EML1: variants seen among roughly 807,000 people sequenced by gnomAD.
The protein encoded by EML1 is EMAP like 1.
In EML1, 27 loss-of-function variants were observed where a neutral mutation model predicts 110.4. The ratio of observed to expected loss-of-function variants is 0.24; its 90% confidence interval spans 0.18 to 0.34. The LOEUF (loss-of-function observed/expected upper bound fraction) is 0.34. Ranked by LOEUF, EML1 falls within the 10% of genes least tolerant of loss-of-function variation. EML1 has a pLI of 1.00. For missense variants in EML1, 741 were observed against 1,030.9 expected (o/e 0.72, Z 3.85); for synonymous variants, 344 against 385.8 (o/e 0.89, Z 1.27).
chr14:99,914,973 T>C (rs1246273448), intron 15 of EML1: 2 of 450,362 alleles, frequency 4.4e-6, no homozygotes, highest in Non-Finnish European at 7.9e-6. Flanking sequence ...GAGTACAGTC[T>C]CTCAACCATC....
intron 1 of EML1, among the ~76,000 whole-genome samples, chr14:99,821,133 C>T (rs752605515): frequency 2.0e-5 from 3 of 151,024 alleles, no homozygotes; most frequent in East Asian, 2.0e-4. Context: ...AGTGATCCTA[C>T]TGCCTGAGCC....
intron 4 of EML1, among the ~76,000 whole-genome samples, chr14:99,882,157 T>C (rs2059395836): frequency 6.6e-6 from 1 of 152,242 alleles, no homozygotes; most frequent in African/African-American, 2.4e-5. Context: ...TGAACGTTAA[T>C]AATTACATAG....
chr14:99,900,967 A>G lies in EML1; in HGVS notation c.936A>G (p.Thr312=), dbSNP rs773955595. 4 of 1,614,050 alleles carry G rather than the reference A, an allele frequency of 2.5e-6. No homozygotes were observed. The African/African-American group carries it at 5.3e-5, about 22-fold the overall frequency. The change falls in exon 9 of 22, where the codon ACA becomes ACG. Residue 312 remains threonine (T), a synonymous_variant. Coordinates refer to ENST00000262233, the MANE Select transcript of EML1 (RefSeq NM_004434.3). ...ATGTGCGCATCTGGGATTCTGTGAC[A>G]TTGAATACTCTCCACGTCATTGGAA... ...PPHVRIWDSV[T]LNTLHVIGIG...
chr14:99,904,814 A>T (rs1445473923), intron 9 of EML1, among the ~76,000 whole-genome samples: 2 of 152,176 alleles, frequency 1.3e-5, no homozygotes, highest in Admixed American at 6.5e-5. Context: ...TTTATAACTG[A>T]CCAGTTTGCT....
upstream of EML1, among the ~76,000 whole-genome samples, chr14:99,770,384 T>TATCTATCTATCTATC (rs1188946473): frequency 1.3e-5 from 2 of 150,770 alleles, no homozygotes; most frequent in Non-Finnish European, 2.9e-5. Flanking sequence ...TCTTTCTATC[T>TATCTATCTATCTATC]ATCTATCTAT....
At chr14:99,814,477 C>G (rs531390480) in intron 1 of EML1, among the ~76,000 whole-genome samples, 1 of 152,190 alleles carries the variant, frequency 6.6e-6, no homozygotes, top group African/African-American at 2.4e-5. Context: ...GTTGCCCAGA[C>G]CAGTCTCAAA....
intron 1 of EML1, among the ~76,000 whole-genome samples, chr14:99,796,921 G>A (rs527272547): frequency 1.5e-5 from 2 of 136,516 alleles, no homozygotes; most frequent in South Asian, 2.4e-4. Context: ...GTGTGTGTGT[G>A]TGTGTGTGTG....
intron 6 of EML1, among the ~76,000 whole-genome samples, chr14:99,896,891 T>A (rs188189470): frequency 6.6e-6 from 1 of 152,298 alleles, no homozygotes; most frequent in East Asian, 1.9e-4. Context: ...ATTGACTCAA[T>A]AGCTTTCTAA....
At chr14:99,813,575 C>T (rs1189684035) in intron 1 of EML1, among the ~76,000 whole-genome samples, 1 of 151,990 alleles carries the variant, frequency 6.6e-6, no homozygotes, top group Non-Finnish European at 1.5e-5. Context: ...GTTGTGGTGG[C>T]GTGTGCCTGT....
intron 1 of EML1, among the ~76,000 whole-genome samples, chr14:99,767,915 C>CT (rs1240732988): frequency 6.6e-6 from 1 of 152,076 alleles, no homozygotes; most frequent in African/African-American, 2.4e-5. Context: ...TTCTGAACAC[C>CT]CCCCACACTA....
At chr14:99,857,015 T>C (rs2058914213) in intron 2 of EML1, among the ~76,000 whole-genome samples, 1 of 152,262 alleles carries the variant, frequency 6.6e-6, no homozygotes, top group Non-Finnish European at 1.5e-5. Flanking sequence ...CTCATGCCTG[T>C]AATCCCAGCA....
upstream of EML1, among the ~76,000 whole-genome samples, chr14:99,788,752 T>C (rs2057627426): frequency 6.6e-6 from 1 of 152,182 alleles, no homozygotes; most frequent in Non-Finnish European, 1.5e-5. Context: ...CACACCACCA[T>C]TCATCTGCAG....
chr14:99,743,331 C>T (rs1008759024), intron 1 of EML1, among the ~76,000 whole-genome samples: 6 of 152,190 alleles, frequency 3.9e-5, no homozygotes, highest in African/African-American at 1.4e-4. Flanking sequence ...CTGAGTTCTG[C>T]AGCCCCTGGG....
At chr14:99,776,332 G>A (rs972384639) in intron 1 of EML1, among the ~76,000 whole-genome samples, 1 of 152,046 alleles carries the variant, frequency 6.6e-6, no homozygotes, top group Non-Finnish European at 1.5e-5. Context: ...GTGAAACCCC[G>A]TCTCAACTAA....
At chr14:99,742,864 C>T (rs1443865225) in intron 1 of EML1, among the ~76,000 whole-genome samples, 1 of 152,136 alleles carries the variant, frequency 6.6e-6, no homozygotes, top group Non-Finnish European at 1.5e-5. Flanking sequence ...CTTTTAACTC[C>T]TTATGAACTG....
At chr14:99,794,788 C>T (rs554632019) in intron 1 of EML1, among the ~76,000 whole-genome samples, 1 of 152,276 alleles carries the variant, frequency 6.6e-6, no homozygotes, top group South Asian at 2.1e-4. Flanking sequence ...AAGAGCAGAA[C>T]ACCTGTGTTT....
intron 5 of EML1, among the ~76,000 whole-genome samples, chr14:99,893,667 C>T (rs184089736): frequency 6.6e-6 from 1 of 152,340 alleles, no homozygotes; most frequent in African/African-American, 2.4e-5. Context: ...CGCCAATTTC[C>T]TCCCTGCGGA....
chr14:99,825,669 T>C (rs1429885437), intron 1 of EML1, among the ~76,000 whole-genome samples: 2 of 152,226 alleles, frequency 1.3e-5, no homozygotes, highest in Admixed American at 6.5e-5. Flanking sequence ...GGAACTGTTA[T>C]TGTCAGCACC....
intron 1 of EML1, 69 bp from the exon 2 acceptor site, chr14:99,850,784 A>G (rs779142472): frequency 1.8e-4 from 273 of 1,533,100 alleles, no homozygotes; most frequent in Admixed American, 2.3e-4. Flanking sequence ...AGCATGCTAG[A>G]TAGAGTATGT....
Sources: allele counts gnomAD v4.1 joint callset (sites outside exome capture counted in the v4.1 genomes callset), GRCh38; gene constraint gnomAD v4.1.1; transcripts MANE v1.5; gene names NCBI Gene and HGNC (gene_info 2026-07-23, HGNC 2026-07-21).